Variants in ATR observed in about 807,000 individuals in gnomAD.
The protein encoded by ATR is ATR checkpoint kinase.
Under a neutral mutation model 305.3 loss-of-function variants are expected in ATR, and 142 were observed. The ratio of observed to expected loss-of-function variants is 0.47; its 90% CI spans 0.41 to 0.53. The LOEUF is 0.53. ATR is among the 20% of genes least tolerant of loss of function. The probability of loss-of-function intolerance (pLI) is 0.00; values close to 1 mark genes in which losing one functional copy is unlikely to be tolerated. For missense variants in ATR, 2,135 were observed against 3,133.1 expected, an observed-to-expected ratio of 0.68 and a Z score of 7.60; for synonymous variants, 1,050 against 1,068.1, an observed-to-expected ratio of 0.98 and a Z score of 0.33.
chr3:142,530,528 G>T (rs1435154641), intron 21 of ATR, among the ~76,000 whole-genome samples: 9 of 152,138 alleles, frequency 5.9e-5, no homozygotes, highest in Non-Finnish European at 1.3e-4. Context: ...CTCCATAACA[G>T]CTATCTGCAG....
At chr3:142,462,670 G>A (rs1485889934) in intron 41 of ATR, among the ~76,000 whole-genome samples, 2 of 151,926 alleles carry the variant, frequency 1.3e-5, no homozygotes, top group African/African-American at 2.4e-5. Flanking sequence ...GGGTTTCACC[G>A]TGTTAGCCAG....
At chr3:142,495,624 G>T (rs2031541445) in intron 34 of ATR, among the ~76,000 whole-genome samples, 1 of 151,962 alleles carries the variant, frequency 6.6e-6, no homozygotes, top group South Asian at 2.1e-4. Flanking sequence ...CACACCCGTA[G>T]TCCCAGCTAC....
intron 36 of ATR, among the ~76,000 whole-genome samples, chr3:142,484,893 C>A (rs1421204963): frequency 2.0e-5 from 3 of 152,116 alleles, no homozygotes; most frequent in Admixed American, 6.5e-5. Flanking sequence ...GGTGTGAGAG[C>A]AGAGGAATAA....
Position 142,536,101 on chromosome 3 carries a change from TA to T in ATR, c.3819+6del. ...ATCTCCTAAACCACAAATTAAAAAT[TA>T]AATACCTTTCTGTATTCCTGGAGAA... On this transcript the variant is annotated splice_donor_region_variant and intron_variant, in intron 20 of 46. Coordinates refer to ENST00000350721, the MANE Select transcript of ATR (RefSeq NM_001184.4). 3 of 1,537,828 alleles carry T rather than the reference TA, an allele frequency of 2.0e-6. No homozygotes were observed. The highest frequency in any genetic ancestry group is 1.1e-5 in the South Asian group (1 of 89,270).
chr3:142,518,876 G>A (rs1035676259), intron 24 of ATR, among the ~76,000 whole-genome samples: 1 of 151,776 alleles, frequency 6.6e-6, no homozygotes, highest in African/African-American at 2.4e-5. Flanking sequence ...TGCATATTTC[G>A]TCAGTCCTAA....
At chr3:142,498,153 T>C (rs2031752438) in intron 32 of ATR, among the ~76,000 whole-genome samples, 1 of 152,226 alleles carries the variant, frequency 6.6e-6, no homozygotes, top group Admixed American at 6.5e-5. Flanking sequence ...AGACCTAAAA[T>C]GTTTTCCAAC....
chr3:142,543,127 G>A (rs1418960804), intron 16 of ATR, among the ~76,000 whole-genome samples: 2 of 152,090 alleles, frequency 1.3e-5, no homozygotes, highest in African/African-American at 4.8e-5. Context: ...AAAGACAAGG[G>A]ACTGCCCTTA....
At chr3:142,468,195 G>A (rs925471405) in intron 38 of ATR, 127 bp from the exon 39 acceptor site, 10 of 1,182,176 alleles carry the variant, frequency 8.5e-6, no homozygotes, top group African/African-American at 3.1e-5. Flanking sequence ...CAAATTTTCT[G>A]AAAATTTATT....
At chr3:142,498,866 C>A in intron 31 of ATR, 92 bp from the exon 32 acceptor site, 3 of 1,197,832 alleles carry the variant, frequency 2.5e-6, no homozygotes, top group Admixed American at 2.0e-5. Flanking sequence ...GCTGAAATAT[C>A]AAACAGGTGG....
intron 45 of ATR, among the ~76,000 whole-genome samples, chr3:142,455,368 G>T (rs1197216079): frequency 6.6e-6 from 1 of 152,064 alleles, no homozygotes; most frequent in Non-Finnish European, 1.5e-5. Context: ...CTCCCTAATT[G>T]ATTTACAAAT....
Position 142,550,067 on chromosome 3 carries a change from A to C in ATR, c.2976+65T>G, listed in dbSNP as rs1022803053. On this transcript the variant is annotated intron_variant, in intron 14 of 46. Transcript: ENST00000350721. ...GCAATAATCTCATATCAAAGTCAAAATCTAGAATGGAATGAACAAAATACT... is the reference window on the plus strand; with the variant it reads ...GCAATAATCTCATATCAAAGTCAAACTCTAGAATGGAATGAACAAAATACT... The C allele has an allele frequency of 1.9e-6, 3 of 1,584,694 alleles. No individual in the cohort carries two copies. In the Admixed American group the frequency reaches 5.0e-5, roughly 27 times the overall value.
At chr3:142,469,685 A>G in intron 37 of ATR, 116 bp from the exon 38 acceptor site, 3 of 868,446 alleles carry the variant, frequency 3.5e-6, no homozygotes, top group Non-Finnish European at 5.4e-6. Context: ...TGTTATTCCC[A>G]TGCCCAAGGT....
At chr3:142,553,204 T>A (rs752930312) in intron 13 of ATR, 23 bp downstream of exon 13, 2 of 1,612,436 alleles carry the variant, frequency 1.2e-6, no homozygotes, top group Non-Finnish European at 1.7e-6. Flanking sequence ...TTGCCTATAG[T>A]CCAGACAAAC....
At chr3:142,469,868 T>C (rs1466581096) in intron 37 of ATR, among the ~76,000 whole-genome samples, 1 of 152,184 alleles carries the variant, frequency 6.6e-6, no homozygotes, top group Non-Finnish European at 1.5e-5. Flanking sequence ...CATTAAGAAA[T>C]AATCAGATTT....
At position 142,469,502 on chromosome 3, in the gene ATR, A is replaced by G. The variant is rs2071207668; in HGVS notation, c.6387T>C (p.His2129=). 1 of 1,613,970 alleles carries G rather than the reference A, an allele frequency of 6.2e-7. No homozygotes were observed. Residue 2129 remains histidine (H), a synonymous_variant, in exon 38 of 47, where the codon CAT becomes CAC. Coordinates refer to ENST00000350721, the MANE Select transcript of ATR (RefSeq NM_001184.4). ...LGKINKVITE[H]TNYLAPYQFL... ...ATTGATATGGAGCTAAATAGTTTGT[A>G]TGCTCTGTGATAACCTTGTTTATTT...
intron 35 of ATR, among the ~76,000 whole-genome samples, chr3:142,491,596 A>G (rs1031997404): frequency 6.6e-6 from 1 of 152,234 alleles, no homozygotes; most frequent in African/African-American, 2.4e-5. Context: ...GAAACTTACA[A>G]GTATGGTTTC....
At chr3:142,530,205 CT>C (rs2033583738) in intron 21 of ATR, among the ~76,000 whole-genome samples, 1 of 152,068 alleles carries the variant, frequency 6.6e-6, no homozygotes, top group African/African-American at 2.4e-5. Flanking sequence ...ATATTCTCCC[CT>C]GTAGTTCTTG....
At chr3:142,485,685 G>A (rs2030873050) in intron 35 of ATR, among the ~76,000 whole-genome samples, 1 of 152,150 alleles carries the variant, frequency 6.6e-6, no homozygotes, top group Non-Finnish European at 1.5e-5. Context: ...CAAAGCAGAA[G>A]TAATATCAAG....
intron 46 of ATR, chr3:142,450,583 G>T: frequency 4.4e-6 from 7 of 1,607,812 alleles, no homozygotes; most frequent in Non-Finnish European, 6.0e-6. Context: ...TTACTTAAAT[G>T]AATTTGAAGA....
Sources: gnomAD v4.1 joint callset for allele counts (sites outside exome capture counted in the v4.1 genomes callset) on GRCh38, gnomAD v4.1.1 for gene constraint, MANE v1.5 for transcripts, NCBI Gene and HGNC (gene_info 2026-07-23, HGNC 2026-07-21) for gene names.